Variants in KCNMB2 observed in about 807,000 individuals in gnomAD.
KCNMB2 encodes potassium calcium-activated channel subfamily M regulatory beta subunit 2.
Under a neutral mutation model 24.5 loss-of-function variants are expected in KCNMB2, and 9 were observed. That is an observed-to-expected ratio of 0.37 (90% CI 0.22 to 0.64). The LOEUF is 0.64. KCNMB2 is among the 30% of genes least tolerant of loss of function. The probability of loss-of-function intolerance (pLI) is 0.63; values close to 1 mark genes in which losing one functional copy is unlikely to be tolerated. For synonymous variants in KCNMB2, 109 were observed against 104.4 expected, an observed-to-expected ratio of 1.04 and a Z score of -0.27; for missense variants, 226 against 284.3, an observed-to-expected ratio of 0.79 and a Z score of 1.47.
chr3:178,760,507 CGTGT>C (rs34063119), intron 1 of KCNMB2, among the ~76,000 whole-genome samples: 8,472 of 117,404 alleles, frequency 0.072, 543 homozygotes, highest in African/African-American at 0.098. Context: ...CCAAGAGTTT[CGTGT>C]GTGTGTGTGT....
intron 1 of KCNMB2, among the ~76,000 whole-genome samples, chr3:178,691,454 G>A (rs571488183): frequency 9.9e-5 from 15 of 151,832 alleles, no homozygotes; most frequent in Admixed American, 3.9e-4. Flanking sequence ...TCCCATCTCT[G>A]TGCCCATATG....
intron 1 of KCNMB2, among the ~76,000 whole-genome samples, chr3:178,745,845 C>T (rs1488756263): frequency 6.6e-6 from 1 of 152,238 alleles, no homozygotes; most frequent in Non-Finnish European, 1.5e-5. Context: ...CTCCATGTCT[C>T]ACATCCAGGT....
intron 1 of KCNMB2, among the ~76,000 whole-genome samples, chr3:178,692,359 G>T (rs1226505897): frequency 1.3e-5 from 2 of 152,138 alleles, no homozygotes; most frequent in Non-Finnish European, 2.9e-5. Context: ...CTGTCTTCAA[G>T]GAATTTTATA....
chr3:178,598,513 T>C (rs540696717), intron 1 of KCNMB2, among the ~76,000 whole-genome samples: 1 of 152,186 alleles, frequency 6.6e-6, no homozygotes, highest in Non-Finnish European at 1.5e-5. Flanking sequence ...AGAGAGATAT[T>C]TGTTTTTTAG....
chr3:178,599,357 G>A (rs897552720), intron 1 of KCNMB2, among the ~76,000 whole-genome samples: 6 of 152,130 alleles, frequency 3.9e-5, no homozygotes, highest in Non-Finnish European at 8.8e-5. Flanking sequence ...CAATAAAGAT[G>A]CTCCTGAAAT....
chr3:178,765,604 T>C lies in KCNMB2; in HGVS notation c.-67-41739T>C, dbSNP rs138280951. ...GCCTAAGCTGGGCTTCTAGATCAGT[T>C]CTGCTAGAATTTGTGTGTGTGTGTG... On this transcript the variant is annotated intron_variant, in intron 1 of 4. Transcript: ENST00000452583. Among the ~76,000 whole-genome samples, 1,056 of 114,288 alleles carry C rather than the reference T, an allele frequency of 9.2e-3. 11 individuals carry two copies. The highest frequency in any genetic ancestry group is 0.015 in the Admixed American group (177 of 11,802). 75.0% of individuals were successfully genotyped at this position (114,288 alleles called of 152,430 possible).
At chr3:178,612,650 T>C (rs1252004473) in intron 1 of KCNMB2, among the ~76,000 whole-genome samples, 1 of 152,188 alleles carries the variant, frequency 6.6e-6, no homozygotes, top group Non-Finnish European at 1.5e-5. Context: ...GTATTTCCTG[T>C]AGGCAGTGAA....
intron 1 of KCNMB2, among the ~76,000 whole-genome samples, chr3:178,791,630 A>G (rs1050818211): frequency 3.3e-5 from 5 of 152,204 alleles, no homozygotes; most frequent in Non-Finnish European, 7.3e-5. Flanking sequence ...AAGTACAGGA[A>G]GGTTATAAAA....
intron 1 of KCNMB2, among the ~76,000 whole-genome samples, chr3:178,559,227 T>C (rs1434340472): frequency 1.3e-5 from 2 of 152,088 alleles, no homozygotes; most frequent in African/African-American, 2.4e-5. Flanking sequence ...GTGAGAATGG[T>C]TTTTTTCACA....
chr3:178,581,055 G>C (rs1380245185), intron 1 of KCNMB2, among the ~76,000 whole-genome samples: 1 of 152,100 alleles, frequency 6.6e-6, no homozygotes, highest in Non-Finnish European at 1.5e-5. Flanking sequence ...AGCCCGTATA[G>C]CCAAGACAAC....
chr3:178,744,660 G>A (rs1723602461), intron 1 of KCNMB2, among the ~76,000 whole-genome samples: 1 of 151,900 alleles, frequency 6.6e-6, no homozygotes, highest in Admixed American at 6.6e-5. Context: ...GCTCACTGGA[G>A]CCTTCTCCTG....
intron 1 of KCNMB2, among the ~76,000 whole-genome samples, chr3:178,594,782 A>G (rs1358900777): frequency 6.6e-6 from 1 of 152,110 alleles, no homozygotes; most frequent in Non-Finnish European, 1.5e-5. Flanking sequence ...TTAACACATA[A>G]AAAGCACTAA....
Position 178,568,882 on chromosome 3 carries a change from AGATAGATAGATAGATAGATG to A in KCNMB2, c.-68+32182_-68+32201del, listed in dbSNP as rs1216643726. The stretch of plus-strand genomic sequence containing the variant: ...TAGATAGATAGATAGATAGATAGAT[AGATAGATAGATAGATAGATG>A]GATAGATAGACTGAACTAGGACCTT... On this transcript the variant is annotated intron_variant, in intron 1 of 4. Coordinates refer to ENST00000452583, the MANE Select transcript of KCNMB2 (RefSeq NM_181361.3). Among the ~76,000 whole-genome samples the A allele has an allele frequency of 1.6e-3, 235 of 145,922 alleles. 2 individuals are homozygous for A. The highest frequency in any genetic ancestry group is 5.0e-3 in the African/African-American group (197 of 39,330).
intron 1 of KCNMB2, among the ~76,000 whole-genome samples, chr3:178,609,862 T>C (rs374528509): frequency 1.8e-4 from 27 of 152,246 alleles, no homozygotes; most frequent in East Asian, 9.6e-4. Context: ...GGTTTCAAGC[T>C]CCTGGGATCA....
chr3:178,667,987 C>T (rs973577024), intron 1 of KCNMB2, among the ~76,000 whole-genome samples: 1 of 152,226 alleles, frequency 6.6e-6, no homozygotes. Flanking sequence ...AGAGGGAGTA[C>T]GTATCTCTTT....
chr3:178,780,120 TTCAGC>T (rs1712768339), intron 1 of KCNMB2, among the ~76,000 whole-genome samples: 2 of 152,122 alleles, frequency 1.3e-5, no homozygotes, highest in South Asian at 4.2e-4. Flanking sequence ...TTCTATTCAT[TTCAGC>T]TGTTGTCCTG....
intron 1 of KCNMB2, among the ~76,000 whole-genome samples, chr3:178,581,392 A>C (rs987988186): frequency 3.3e-5 from 5 of 152,152 alleles, no homozygotes; most frequent in African/African-American, 1.2e-4. Context: ...TCTTAAACAT[A>C]AGACCTAAAA....
chr3:178,766,841 C>T (rs1426903047), intron 1 of KCNMB2, among the ~76,000 whole-genome samples: 4 of 152,170 alleles, frequency 2.6e-5, no homozygotes, highest in Non-Finnish European at 5.9e-5. Context: ...CTGAAACCCA[C>T]AATTCTGTCT....
At chr3:178,733,492 A>AT (rs1723219100) in intron 1 of KCNMB2, among the ~76,000 whole-genome samples, 2 of 151,854 alleles carry the variant, frequency 1.3e-5, no homozygotes, top group African/African-American at 2.4e-5. Context: ...TTATTTATTT[A>AT]TTTTTTGAGA....
Sources: allele counts gnomAD v4.1 joint callset (sites outside exome capture counted in the v4.1 genomes callset), GRCh38; gene constraint gnomAD v4.1.1; transcripts MANE v1.5; gene names NCBI Gene and HGNC (gene_info 2026-07-23, HGNC 2026-07-21).